KALRN: variants seen among roughly 807,000 people sequenced by gnomAD.
KALRN encodes kalirin RhoGEF kinase.
A neutral mutation model predicts 353.7 loss-of-function variants in KALRN; 70 were observed. The observed-to-expected ratio is 0.20, with a 90% CI of 0.16 to 0.24. The LOEUF (loss-of-function observed/expected upper bound fraction) is 0.24, where lower values mean the gene tolerates loss of function less well. Among genes scored for constraint, KALRN ranks in the 10% least tolerant of loss-of-function variants. The pLI, the probability that KALRN is intolerant of heterozygous loss-of-function variation, is 1.00. For missense variants in KALRN, 2,791 were observed against 3,756.7 expected, an observed-to-expected ratio of 0.74 and a Z score of 6.72; for synonymous variants, 1,391 against 1,434.8, an observed-to-expected ratio of 0.97 and a Z score of 0.69.
chr3:124,098,405 C>G (rs1475217809), intron 1 of KALRN, among the ~76,000 whole-genome samples: 1 of 152,192 alleles, frequency 6.6e-6, no homozygotes, highest in East Asian at 1.9e-4. Flanking sequence ...TCTGGTCTCC[C>G]TCTTCTCCTT....
intron 1 of KALRN, among the ~76,000 whole-genome samples, chr3:124,217,945 G>A (rs1308219296): frequency 6.6e-6 from 1 of 152,216 alleles, no homozygotes; most frequent in Non-Finnish European, 1.5e-5. Context: ...TGATGGTCAT[G>A]GTGAGGACAC....
chr3:124,618,970 G>C (rs549715569), intron 34 of KALRN, among the ~76,000 whole-genome samples: 1 of 152,274 alleles, frequency 6.6e-6, no homozygotes, highest in Non-Finnish European at 1.5e-5. Context: ...TAAAATGAAT[G>C]TTATGGTATA....
intron 5 of KALRN, among the ~76,000 whole-genome samples, chr3:124,280,017 A>C (rs573247961): frequency 4.6e-5 from 7 of 152,310 alleles, no homozygotes; most frequent in African/African-American, 1.7e-4. Context: ...GTCTGTGTTC[A>C]TGCCATGTGG....
At chr3:124,100,277 T>G (rs1218147559) in intron 1 of KALRN, 2 of 152,230 alleles carry the variant, frequency 1.3e-5, no homozygotes, top group East Asian at 3.8e-4. Flanking sequence ...ATTCTGGATA[T>G]CAGTCCCATG....
intron 1 of KALRN, among the ~76,000 whole-genome samples, chr3:124,117,318 G>T (rs923523810): frequency 2.7e-5 from 4 of 146,410 alleles, no homozygotes; most frequent in Non-Finnish European, 5.9e-5. Context: ...AAGAAAAACA[G>T]TGTTTTTTTT....
intron 51 of KALRN, among the ~76,000 whole-genome samples, chr3:124,681,629 CTTTT>C (rs56934346): frequency 5.8e-5 from 6 of 103,722 alleles, no homozygotes; most frequent in South Asian, 3.3e-4. Context: ...CAGTGATTGT[CTTTT>C]TTTTTTTTTT....
chr3:124,392,553 CAG>C (rs1297794914), intron 11 of KALRN, among the ~76,000 whole-genome samples: 2 of 140,792 alleles, frequency 1.4e-5, no homozygotes, highest in East Asian at 2.4e-4. Flanking sequence ...TTTTTGGAGA[CAG>C]AGTTTTTTTT....
At chr3:124,406,628 G>C (rs1470072138) in intron 13 of KALRN, among the ~76,000 whole-genome samples, 1 of 152,110 alleles carries the variant, frequency 6.6e-6, no homozygotes, top group Non-Finnish European at 1.5e-5. Context: ...GAAATGCCAT[G>C]GACCCTTTCT....
chr3:124,070,053 TAAG>T (rs2059938878), intron 1 of KALRN, among the ~76,000 whole-genome samples: 1 of 151,416 alleles, frequency 6.6e-6, no homozygotes, highest in South Asian at 2.1e-4. Context: ...TGAAGAAAAA[TAAG>T]GAGGTGATGA....
intron 1 of KALRN, among the ~76,000 whole-genome samples, chr3:124,166,309 G>A (rs1189952598): frequency 1.3e-5 from 2 of 152,096 alleles, no homozygotes; most frequent in Non-Finnish European, 2.9e-5. Context: ...AACAAATATT[G>A]AACAGATGAA....
chr3:124,556,108 G>C (rs144627528), intron 33 of KALRN, among the ~76,000 whole-genome samples: 3 of 152,270 alleles, frequency 2.0e-5, no homozygotes, highest in African/African-American at 7.2e-5. Flanking sequence ...AAGGCCTCCT[G>C]ATTCCCACTC....
intron 5 of KALRN, among the ~76,000 whole-genome samples, chr3:124,278,264 T>C (rs559685954): frequency 6.6e-5 from 10 of 151,870 alleles, no homozygotes; most frequent in Non-Finnish European, 1.5e-4. Flanking sequence ...AGAACCCAGG[T>C]GAGTTAAGAT....
At chr3:124,259,657 C>T (rs1006967774) in intron 3 of KALRN, among the ~76,000 whole-genome samples, 1 of 152,154 alleles carries the variant, frequency 6.6e-6, no homozygotes, top group Non-Finnish European at 1.5e-5. Context: ...TCCTTGTTTG[C>T]ACCAGGCACT....
At chr3:124,490,624 G>C (rs181748653) in intron 29 of KALRN, 70 bp from the exon 30 acceptor site, 25 of 1,430,498 alleles carry the variant, frequency 1.7e-5, no homozygotes, top group Middle Eastern at 2.6e-4. Flanking sequence ...TCTCCAAGAG[G>C]GGGGTGGAAC....
chr3:124,160,433 G>A (rs1420719161), intron 1 of KALRN, among the ~76,000 whole-genome samples: 1 of 152,176 alleles, frequency 6.6e-6, no homozygotes, highest in Non-Finnish European at 1.5e-5. Context: ...GAAGGGTGAT[G>A]GGGAGTGTAC....
chr3:124,506,578 G>A (rs551234205), intron 33 of KALRN, among the ~76,000 whole-genome samples: 1 of 152,282 alleles, frequency 6.6e-6, no homozygotes, highest in East Asian at 1.9e-4. Flanking sequence ...TGCTGATCCT[G>A]GCTAAAGAAT....
At chr3:124,673,550 G>A (rs333359) in intron 48 of KALRN, among the ~76,000 whole-genome samples, 371 of 129,062 alleles carry the variant, frequency 2.9e-3, no homozygotes, top group African/African-American at 5.1e-3. Context: ...GTATGTATAT[G>A]CATATAGAAT....
intron 33 of KALRN, among the ~76,000 whole-genome samples, chr3:124,526,651 A>C (rs1361571705): frequency 1.3e-5 from 2 of 152,128 alleles, no homozygotes; most frequent in African/African-American, 4.8e-5. Flanking sequence ...GGAGGGTTAG[A>C]TAGAGTAGCA....
chr3:124,318,858 C>T (rs1177886134), intron 6 of KALRN, among the ~76,000 whole-genome samples: 2 of 152,136 alleles, frequency 1.3e-5, no homozygotes, highest in Non-Finnish European at 2.9e-5. Flanking sequence ...TTTCTTTGAA[C>T]GTGTCGCTTG....
Sources: allele counts gnomAD v4.1 joint callset (sites outside exome capture counted in the v4.1 genomes callset), GRCh38; gene constraint gnomAD v4.1.1; transcripts MANE v1.5; gene names NCBI Gene and HGNC (gene_info 2026-07-23, HGNC 2026-07-21).